SNX1: variants seen among roughly 807,000 people sequenced by gnomAD.
SNX1 encodes sorting nexin-1.
Under a neutral mutation model 71.8 loss-of-function variants are expected in SNX1, and 36 were observed. The ratio of observed to expected loss-of-function variants is 0.50; its 90% CI spans 0.38 to 0.66. The LOEUF (loss-of-function observed/expected upper bound fraction) is 0.66. Among genes scored for constraint, SNX1 ranks in the 30% least tolerant of loss-of-function variants. SNX1 has a pLI of 0.00. For synonymous variants in SNX1, 254 were observed against 240.7 expected (o/e 1.06, Z -0.51); for missense variants, 612 against 646.7 (o/e 0.95, Z 0.58).
Position 64,143,137 on chromosome 15 carries a change from T to TG in SNX1, c.*5523dup, listed in dbSNP as rs999323484. ...GGAAGGGGAGGGCGGGAGAAGATAA[T>TG]GGGGATCCCTGGCTCCAAACATAGG... On this transcript the variant is annotated 3_prime_UTR_variant, in exon 15 of 15. Coordinates refer to ENST00000559844, the MANE Select transcript of SNX1 (RefSeq NM_003099.5). 1 of 167,484 alleles carries TG rather than the reference T, an allele frequency of 6.0e-6. No homozygotes were observed. Among genetic ancestry groups the TG allele is most frequent in the African/African-American group, 2.4e-5 (1 of 41,652 alleles). 10.4% of individuals were successfully genotyped at this position (167,484 alleles called of 1,614,324 possible).
Position 64,129,989 on chromosome 15 carries a change from C to G in SNX1, c.881C>G (p.Ala294Gly), listed in dbSNP as rs775748393. 6.2e-7 allele frequency: 1 copy of G among 1,614,068 alleles called. No homozygotes were observed. Among genetic ancestry groups the G allele is most frequent in the South Asian group, 1.1e-5 (1 of 91,084 alleles). Residue 294 changes from alanine to glycine, a missense_variant, in exon 9 of 15, where the codon GCC becomes GGC. Ala to Gly is a moderately conservative substitution (Grantham distance 60). Transcript: ENST00000559844. This position sits in a 1 kb window ranked among gnomAD's most constrained non-coding sequence, Gnocchi z 4.4. ...LLKMFNKATD[A>G]VSKMTIKMNE... ...AAGATGTTCAACAAAGCCACAGATG[C>G]CGTCAGCAAAATGACCATCAAGATG...
intron 1 of SNX1, among the ~76,000 whole-genome samples, chr15:64,098,878 A>T (rs189511684): frequency 8.5e-5 from 13 of 152,228 alleles, no homozygotes; most frequent in Admixed American, 8.5e-4. Context: ...CAGAAAGCAT[A>T]ATTATTTTTA....
Position 64,130,040 on chromosome 15 carries a change from C to T in SNX1, c.921+11C>T. 6.3e-7 allele frequency: 1 copy of T among 1,594,860 alleles called. No individual in the cohort carries two copies. Among genetic ancestry groups the T allele is most frequent in the Non-Finnish European group, 8.6e-7 (1 of 1,162,626 alleles). ...AATGAATCAGACATTGTGAGTAGCC[C>T]TGTGCCTCTTACCTCCACCTACACC... On this transcript the variant is annotated intron_variant, in intron 9 of 14. Transcript: ENST00000559844.
At chr15:64,112,706 A>AG in intron 2 of SNX1, 22 bp downstream of exon 2, 1 of 1,500,950 alleles carries the variant, frequency 6.7e-7, no homozygotes, top group Non-Finnish European at 9.2e-7. Flanking sequence ...CTCAAAAGTT[A>AG]CTCTAGGAAC....
rs1285511946 is a variant in SNX1, at chr15:64,134,261, GA to G, written c.1222-399del. ...TTTTCCATTAGATGACAAGTTCCAT[GA>G]AAATGGGACCATGAGTTTCATCCAC... On this transcript the variant is annotated intron_variant, in intron 11 of 14. Transcript: ENST00000559844. The surrounding 1 kb of genome is among the most constrained non-coding windows in gnomAD (Gnocchi z 4.1). The G allele has an allele frequency of 1.9e-5, 3 of 161,342 alleles. No individual in the cohort carries two copies. Among genetic ancestry groups the G allele is most frequent in the Non-Finnish European group, 4.0e-5 (3 of 74,430 alleles). The allele number at this position is 161,342 out of a possible 1,614,324, so 10.0% of individuals were successfully genotyped here. A position where few individuals can be genotyped will look rare whatever the true frequency, so the allele number is the denominator to read the frequency against.
In SNX1 at chr15:64,120,903, A is replaced by C. The variant is rs181279571; in HGVS notation, c.466+2049A>C. On this transcript the variant is annotated intron_variant, in intron 4 of 14. Coordinates refer to ENST00000559844, the MANE Select transcript of SNX1 (RefSeq NM_003099.5). ...AGTTTTACTTTTCCCAGACTGTTGGACTGGTAGGATGTTTTTGAGCGTCTT... is the reference window on the plus strand; with the variant it reads ...AGTTTTACTTTTCCCAGACTGTTGGCCTGGTAGGATGTTTTTGAGCGTCTT... Among the ~76,000 whole-genome samples, 3 of 152,170 alleles carry C rather than the reference A, an allele frequency of 2.0e-5. No individual in the cohort carries two copies. The East Asian group carries it at 5.8e-4, about 29-fold the overall frequency.
chr15:64,132,341 A>G (rs991427875), intron 11 of SNX1: 1 of 193,628 alleles, frequency 5.2e-6, no homozygotes, highest in African/African-American at 2.4e-5. Context: ...TCCTTCCAGT[A>G]TGGGCAGTCA....
At chr15:64,120,289 T>TTTTTTTTTG (rs2081183401) in intron 4 of SNX1, among the ~76,000 whole-genome samples, 2 of 77,928 alleles carry the variant, frequency 2.6e-5, no homozygotes, top group African/African-American at 9.6e-5. Flanking sequence ...TTTTTTTTTT[T>TTTTTTTTTG]GAGACGGGGT....
rs551712659 is a variant in SNX1 at position 64,135,400 on chromosome 15, G to A, written c.1365+593G>A. ...CAGGCGTGAGCCACCGCGCCCGGCC[G>A]AGGTCAGGAGTTTTAGACCAGCCTG... On this transcript the variant is annotated intron_variant, in intron 12 of 14. Coordinates refer to ENST00000559844, the MANE Select transcript of SNX1 (RefSeq NM_003099.5). 1.7e-4 allele frequency among the ~76,000 whole-genome samples: 26 copies of A among 148,986 alleles called. No homozygotes were observed. The East Asian group carries it at 5.2e-3, about 30-fold the overall frequency.
chr15:64,121,297 A>G (rs1402952982), intron 4 of SNX1, among the ~76,000 whole-genome samples: 6 of 152,222 alleles, frequency 3.9e-5, no homozygotes, highest in African/African-American at 7.2e-5. Flanking sequence ...CAGAAATCTC[A>G]AATCCTGGTG....
At chr15:64,126,526 C>T (rs2081254946) in intron 6 of SNX1, among the ~76,000 whole-genome samples, 1 of 152,046 alleles carries the variant, frequency 6.6e-6, no homozygotes, top group Non-Finnish European at 1.5e-5. Context: ...GATTAGGGGT[C>T]AGAGGAAGAA....
intron 9 of SNX1, 25 bp from the exon 10 acceptor site, chr15:64,130,203 A>C (rs750867149): frequency 6.2e-7 from 1 of 1,605,582 alleles, no homozygotes. Context: ...TAATCTCATT[A>C]AAGTTCTGGG....
chr15:64,114,387 CA>C (rs2081108164), intron 2 of SNX1, among the ~76,000 whole-genome samples: 1 of 152,082 alleles, frequency 6.6e-6, no homozygotes, highest in African/African-American at 2.4e-5. Context: ...AAGACAAAGT[CA>C]AAAGGTTTCA....
At chr15:64,123,461 T>G in intron 4 of SNX1, 42 bp from the exon 5 acceptor site, 1 of 1,573,842 alleles carries the variant, frequency 6.4e-7, no homozygotes, top group Non-Finnish European at 8.7e-7. Context: ...TGGCACTGCT[T>G]TGGTTTACAA....
At chr15:64,136,535 C>T in intron 13 of SNX1, 125 bp downstream of exon 13, 3 of 810,544 alleles carry the variant, frequency 3.7e-6, no homozygotes, top group South Asian at 1.5e-5. Context: ...CGTGAGCAGG[C>T]GTGGCCTTCT....
rs1187054868 is a variant in SNX1, at chr15:64,138,315, T to TTC, written c.*707_*708dup. The stretch of plus-strand genomic sequence containing the variant: ...TTCTCCTGCAAAGGAGGCAGAGACT[T>TTC]TCTCTCTCTCTTTTTTTTTTTTTTT... On this transcript the variant is annotated 3_prime_UTR_variant, in exon 15 of 15. Coordinates refer to ENST00000559844, the MANE Select transcript of SNX1 (RefSeq NM_003099.5). The TTC allele has an allele frequency of 9.7e-5, 90 of 930,618 alleles. No individual in the cohort carries two copies. The highest frequency in any genetic ancestry group is 1.2e-4 in the Non-Finnish European group (78 of 676,652). 57.6% of individuals were successfully genotyped at this position (930,618 alleles called of 1,614,324 possible). A position where few individuals can be genotyped will look rare whatever the true frequency, so the allele number is the denominator to read the frequency against.
chr15:64,107,484 T>A (rs1316983386), intron 1 of SNX1, among the ~76,000 whole-genome samples: 1 of 152,140 alleles, frequency 6.6e-6, no homozygotes, highest in Admixed American at 6.5e-5. Context: ...GCTAAGAAAA[T>A]TGTGCTAGTG....
intron 1 of SNX1, among the ~76,000 whole-genome samples, chr15:64,109,858 T>G (rs894770256): frequency 2.0e-5 from 3 of 152,188 alleles, no homozygotes; most frequent in African/African-American, 7.2e-5. Flanking sequence ...AAAAGAATGC[T>G]TAGTGTTGCT....
At chr15:64,102,059 A>G (rs1168617835) in intron 1 of SNX1, among the ~76,000 whole-genome samples, 1 of 152,212 alleles carries the variant, frequency 6.6e-6, no homozygotes, top group Non-Finnish European at 1.5e-5. Context: ...TTAAAGAATA[A>G]TGCTTGTTAA....
Sources: gnomAD v4.1 joint callset for allele counts (sites outside exome capture counted in the v4.1 genomes callset) on GRCh38, gnomAD v4.1.1 for gene constraint, Gnocchi (gnomAD v3.1) non-coding constraint, MANE v1.5 for transcripts, NCBI Gene and HGNC (gene_info 2026-07-23, HGNC 2026-07-21) for gene names.